SPATA17: variants seen among roughly 807,000 people sequenced by gnomAD.
The protein encoded by SPATA17 is spermatogenesis associated 17, also known as spermatogenesis-associated protein 17.
A neutral mutation model predicts 62.2 loss-of-function variants in SPATA17; 53 were observed. The observed-to-expected ratio is 0.85, with a 90% CI of 0.68 to 1.07. The LOEUF is 1.07. SPATA17 is among the 50% of genes least tolerant of loss of function. The pLI, the probability that SPATA17 is intolerant of heterozygous loss-of-function variation, is 0.00. For missense variants in SPATA17, 466 were observed against 425.5 expected (o/e 1.10, Z -0.84); for synonymous variants, 146 against 146.8 (o/e 0.99, Z 0.04).
chr1:217,757,226 A>G (rs568162158), intron 6 of SPATA17, among the ~76,000 whole-genome samples: 22 of 152,356 alleles, frequency 1.4e-4, no homozygotes, highest in African/African-American at 5.0e-4. Flanking sequence ...GCCTGATTTC[A>G]GAACCAGTGG....
At chr1:217,831,312 C>T (rs1675133672) in intron 9 of SPATA17, among the ~76,000 whole-genome samples, 1 of 151,968 alleles carries the variant, frequency 6.6e-6, no homozygotes, top group Non-Finnish European at 1.5e-5. Context: ...AGAATGTTGC[C>T]ATATTACTCT....
chr1:217,631,403 G>A lies in SPATA17; in HGVS notation c.25G>A (p.Ala9Thr), dbSNP rs1392359160. The change falls in exon 1 of 11, where the codon GCT (alanine) becomes ACT (threonine). Residue 9 changes from alanine (A) to threonine (T), a missense_variant. Physicochemically the swap from Ala to Thr is moderately conservative, Grantham distance 58. Transcript: ENST00000366933. ...CATGGCCACGTTAGCCCGGCTGCAA[G>A]CTAGGTCGTCGACTGTAGGAAATCA... MATLARLQARSSTVGNQYY... is the reference protein window; with the variant it reads MATLARLQTRSSTVGNQYY... 4.3e-6 allele frequency: 7 copies of A among 1,614,048 alleles called. No individual in the cohort carries two copies. Among genetic ancestry groups the A allele is most frequent in the Non-Finnish European group, 5.9e-6 (7 of 1,180,046 alleles).
chr1:217,814,568 C>T (rs1674668808), intron 9 of SPATA17, among the ~76,000 whole-genome samples: 1 of 152,112 alleles, frequency 6.6e-6, no homozygotes, highest in African/African-American at 2.4e-5. Context: ...AAGTCTCAGA[C>T]CAGGTGCAAT....
chr1:217,648,184 G>A (rs183646450), intron 1 of SPATA17, among the ~76,000 whole-genome samples: 4 of 152,096 alleles, frequency 2.6e-5, no homozygotes, highest in African/African-American at 9.6e-5. Context: ...GGTGCCTTCC[G>A]TTCATTATCA....
chr1:217,795,503 G>A (rs1194477463), intron 8 of SPATA17, among the ~76,000 whole-genome samples: 5 of 150,806 alleles, frequency 3.3e-5, no homozygotes, highest in Non-Finnish European at 5.9e-5. Context: ...CCAAGTAGCT[G>A]GGACTGCATG....
chr1:217,723,284 T>A (rs1672182690), intron 5 of SPATA17, among the ~76,000 whole-genome samples: 1 of 152,168 alleles, frequency 6.6e-6, no homozygotes, highest in Non-Finnish European at 1.5e-5. Flanking sequence ...TGAGCTGAAA[T>A]GCATACCATG....
chr1:217,654,873 C>T (rs772909890), intron 3 of SPATA17, among the ~76,000 whole-genome samples: 8 of 151,878 alleles, frequency 5.3e-5, no homozygotes, highest in Non-Finnish European at 1.2e-4. Context: ...CCACCACGCC[C>T]GGCTAATTTT....
chr1:217,746,845 C>A (rs1030977980), intron 6 of SPATA17, among the ~76,000 whole-genome samples: 1 of 151,902 alleles, frequency 6.6e-6, no homozygotes, highest in African/African-American at 2.4e-5. Context: ...AAGTTCAAGT[C>A]ATATTAAAAC....
At chr1:217,760,889 A>G (rs1170153792) in intron 6 of SPATA17, among the ~76,000 whole-genome samples, 1 of 152,208 alleles carries the variant, frequency 6.6e-6, no homozygotes, top group Non-Finnish European at 1.5e-5. Flanking sequence ...AAAAGAGTAT[A>G]TAATAGAAGG....
chr1:217,701,464 C>A (rs2102919635), intron 5 of SPATA17, among the ~76,000 whole-genome samples: 1 of 152,048 alleles, frequency 6.6e-6, no homozygotes, highest in East Asian at 1.9e-4. Flanking sequence ...CGGCTCACTG[C>A]AACCTCCACC....
intron 9 of SPATA17, among the ~76,000 whole-genome samples, chr1:217,838,992 A>C (rs1675327705): frequency 6.6e-6 from 1 of 152,100 alleles, no homozygotes; most frequent in African/African-American, 2.4e-5. Flanking sequence ...AGGCTATTTA[A>C]AAATTCTAAT....
intron 9 of SPATA17, among the ~76,000 whole-genome samples, chr1:217,847,458 C>T (rs1187433865): frequency 1.3e-5 from 2 of 152,002 alleles, no homozygotes; most frequent in African/African-American, 2.4e-5. Context: ...GGAAAGGACA[C>T]TGGTTCAGAA....
chr1:217,807,391 A>G (rs1674458658), intron 9 of SPATA17, among the ~76,000 whole-genome samples: 1 of 152,150 alleles, frequency 6.6e-6, no homozygotes, highest in Admixed American at 6.5e-5. Context: ...ACAAACCTGT[A>G]TATGTACACC....
At chr1:217,856,061 T>A (rs981291162) in intron 9 of SPATA17, among the ~76,000 whole-genome samples, 1 of 152,022 alleles carries the variant, frequency 6.6e-6, no homozygotes, top group Admixed American at 6.6e-5. Context: ...ATACAGTATA[T>A]AAAAACAGGA....
intron 9 of SPATA17, among the ~76,000 whole-genome samples, chr1:217,828,349 T>C (rs192071240): frequency 2.0e-5 from 3 of 151,692 alleles, no homozygotes; most frequent in Non-Finnish European, 4.4e-5. Context: ...CTTTGACAAA[T>C]GATGCAAGGA....
At chr1:217,846,587 T>A (rs983047582) in intron 9 of SPATA17, among the ~76,000 whole-genome samples, 6 of 152,092 alleles carry the variant, frequency 3.9e-5, no homozygotes, top group African/African-American at 1.4e-4. Flanking sequence ...CTTTTCCTAC[T>A]AGTAATTCAT....
chr1:217,803,951 G>A (rs1161962638), intron 9 of SPATA17, among the ~76,000 whole-genome samples: 1 of 152,064 alleles, frequency 6.6e-6, no homozygotes, highest in East Asian at 1.9e-4. Flanking sequence ...CTTGGAGGCA[G>A]AGGTTGCAGT....
chr1:217,645,331 C>T (rs532539447), intron 1 of SPATA17, among the ~76,000 whole-genome samples: 1 of 152,236 alleles, frequency 6.6e-6, no homozygotes, highest in East Asian at 1.9e-4. Context: ...TGCTTCTCTT[C>T]TGCATTTCTA....
At chr1:217,674,060 C>T (rs1380035421) in intron 4 of SPATA17, among the ~76,000 whole-genome samples, 1 of 152,116 alleles carries the variant, frequency 6.6e-6, no homozygotes, top group African/African-American at 2.4e-5. Context: ...ACCAAGATTA[C>T]ATACATTCAG....
Sources: gnomAD v4.1 joint callset for allele counts (sites outside exome capture counted in the v4.1 genomes callset) on GRCh38, gnomAD v4.1.1 for gene constraint, MANE v1.5 for transcripts, NCBI Gene and HGNC (gene_info 2026-07-23, HGNC 2026-07-21) for gene names.